Variants in KCTD1 observed in about 807,000 individuals in gnomAD.
KCTD1 encodes potassium channel tetramerization domain containing 1.
Under a neutral mutation model 66.0 loss-of-function variants are expected in KCTD1, and 24 were observed. The observed-to-expected ratio is 0.36, with a 90% CI of 0.26 to 0.51. The LOEUF (loss-of-function observed/expected upper bound fraction) is 0.51. Among genes scored for constraint, KCTD1 ranks in the 20% least tolerant of loss-of-function variants. KCTD1 has a pLI of 0.95. For synonymous variants in KCTD1, 511 were observed against 517.2 expected, an observed-to-expected ratio of 0.99 and a Z score of 0.16; for missense variants, 943 against 1,205.2, an observed-to-expected ratio of 0.78 and a Z score of 3.22.
At chr18:26,640,739 T>A (rs1327579868), upstream of KCTD1, among the ~76,000 whole-genome samples, 1 of 152,028 alleles carries the variant, frequency 6.6e-6, no homozygotes, top group Non-Finnish European at 1.5e-5. Context: ...GTGCTGTCTG[T>A]CAAGTGGGGG....
chr18:26,646,529 C>T (rs144128717), intron 1 of KCTD1, among the ~76,000 whole-genome samples: 2 of 152,224 alleles, frequency 1.3e-5, no homozygotes, highest in Non-Finnish European at 2.9e-5. Context: ...AATTTGGAGA[C>T]GTTCTTACCA....
In KCTD1 at chr18:26,616,240, G is replaced by A. The variant is rs1403358118; in HGVS notation, c.-16+12907C>T. 7.3e-5 allele frequency among the ~76,000 whole-genome samples: 11 copies of A among 150,258 alleles called. No homozygotes were observed. The East Asian group carries it at 2.1e-3, about 29-fold the overall frequency. ...ACATGGCTCATCATCATGGGTCTGT[G>A]ATTGATTGATTGATAGATTGATCAA... On this transcript the variant is annotated intron_variant, in intron 1 of 4. Coordinates refer to the KCTD1 transcript ENST00000317932.
chr18:26,605,730 ATC>A (rs1986998576), intron 1 of KCTD1, among the ~76,000 whole-genome samples: 25 of 110,022 alleles, frequency 2.3e-4, no homozygotes, highest in African/African-American at 8.4e-4. Flanking sequence ...CTCTATATCT[ATC>A]TATCTATCTA....
At chr18:26,510,495 G>A (rs1482057882) in intron 1 of KCTD1, among the ~76,000 whole-genome samples, 1 of 152,192 alleles carries the variant, frequency 6.6e-6, no homozygotes, top group Non-Finnish European at 1.5e-5. Context: ...AGGCGTTACT[G>A]CTGTTTATCT....
intron 1 of KCTD1, among the ~76,000 whole-genome samples, chr18:26,542,736 C>A (rs9952200): frequency 0.32 from 47,938 of 151,958 alleles, 7,693 homozygotes; most frequent in South Asian, 0.37. Flanking sequence ...CAGGGTGATA[C>A]AAAGATTTAA....
At chr18:26,639,390 C>G (rs1987789155) in intron 1 of KCTD1, among the ~76,000 whole-genome samples, 1 of 152,016 alleles carries the variant, frequency 6.6e-6, no homozygotes, top group Non-Finnish European at 1.5e-5. Context: ...GCTTTGGTTC[C>G]TATCTTGTAG....
At chr18:26,626,166 C>CAA (rs11426681) in intron 1 of KCTD1, among the ~76,000 whole-genome samples, 2 of 138,660 alleles carry the variant, frequency 1.4e-5, no homozygotes, top group Non-Finnish European at 1.6e-5. Context: ...AAAAAAAAAA[C>CAA]AAAAAAAAAA....
At chr18:26,481,773 G>T (rs1981660086) in intron 2 of KCTD1, among the ~76,000 whole-genome samples, 1 of 152,138 alleles carries the variant, frequency 6.6e-6, no homozygotes, top group East Asian at 1.9e-4. Flanking sequence ...CATCACCTGG[G>T]CAACTCTGAA....
At chr18:26,635,994 T>C (rs1018883835) in intron 1 of KCTD1, among the ~76,000 whole-genome samples, 2 of 151,206 alleles carry the variant, frequency 1.3e-5, no homozygotes, top group African/African-American at 4.9e-5. Flanking sequence ...TGCAGGAGGG[T>C]GTGGGAGGGG....
Position 26,547,749 on chromosome 18 carries a change from A to G in KCTD1, c.788T>C (p.Leu263Pro). ...DPELRSANLT[L>P]AAVIRKLEEQ... ...CTCGAGCTTGCGGATGACCGCGGCC[A>G]GCGTCAGGTTGGCGCTGCGCAGCTC... is the stretch of plus-strand genomic sequence containing the variant. Residue 263 changes from leucine (L) to proline (P), a missense_variant, in exon 1 of 5, where the codon CTG (leucine) becomes CCG (proline). Coordinates refer to ENST00000580059, the MANE Select transcript of KCTD1 (RefSeq NM_001142730.3). The G allele has an allele frequency of 6.5e-7, 1 of 1,544,792 alleles. No individual in the cohort carries two copies. The highest frequency in any genetic ancestry group is 8.7e-7 in the Non-Finnish European group (1 of 1,146,660).
In KCTD1 at chr18:26,617,353, C is replaced by T. The variant is rs949044172; in HGVS notation, c.-16+11794G>A. On this transcript the variant is annotated intron_variant, in intron 1 of 4. Coordinates refer to the KCTD1 transcript ENST00000317932. ...AGCCAAGAGGAATGTATGCTGTCAACTGCCGTACAAAGATGTGTATCATAG... is the reference window on the plus strand; with the variant it reads ...AGCCAAGAGGAATGTATGCTGTCAATTGCCGTACAAAGATGTGTATCATAG... Among the ~76,000 whole-genome samples, 48 of 152,248 alleles carry T rather than the reference C, an allele frequency of 3.2e-4. 1 individual carries two copies. Among genetic ancestry groups the T allele is most frequent in the Non-Finnish European group, 8.8e-5 (6 of 68,044 alleles).
intron 1 of KCTD1, among the ~76,000 whole-genome samples, chr18:26,621,665 T>A (rs1260030375): frequency 6.6e-6 from 1 of 152,226 alleles, no homozygotes; most frequent in East Asian, 1.9e-4. Flanking sequence ...ACCTGTTGGC[T>A]CTTGGTCTTT....
chr18:26,597,886 T>C (rs1986804637), intron 1 of KCTD1, among the ~76,000 whole-genome samples: 1 of 152,166 alleles, frequency 6.6e-6, no homozygotes, highest in Admixed American at 6.6e-5. Flanking sequence ...ACTCCTGACC[T>C]CAAGAGATCT....
intron 1 of KCTD1, among the ~76,000 whole-genome samples, chr18:26,587,484 GT>G (rs536596857): frequency 8.7e-4 from 132 of 152,278 alleles, no homozygotes; most frequent in African/African-American, 3.0e-3. Context: ...TAAATCAGTA[GT>G]AATTTTGACT....
intron 1 of KCTD1, among the ~76,000 whole-genome samples, chr18:26,518,546 G>A (rs955178351): frequency 3.9e-5 from 6 of 152,320 alleles, no homozygotes; most frequent in Admixed American, 2.6e-4. Context: ...TTACAGGCGT[G>A]AGCCATGGCG....
At chr18:26,481,865 T>A (rs552490021) in intron 2 of KCTD1, among the ~76,000 whole-genome samples, 84 of 152,114 alleles carry the variant, frequency 5.5e-4, no homozygotes, top group South Asian at 1.9e-3. Flanking sequence ...GTATTTTTTT[T>A]AAAAAAAACT....
chr18:26,616,257 A>T (rs1987251019), intron 1 of KCTD1, among the ~76,000 whole-genome samples: 2 of 150,444 alleles, frequency 1.3e-5, no homozygotes, highest in South Asian at 4.2e-4. Context: ...TGATTGATAG[A>T]TTGATCAAAT....
upstream of KCTD1, among the ~76,000 whole-genome samples, chr18:26,643,336 C>T (rs1187552895): frequency 2.6e-5 from 4 of 152,160 alleles, no homozygotes; most frequent in South Asian, 8.3e-4. Context: ...TCTCTAAATA[C>T]AGCCACCATG....
At chr18:26,586,027 G>T (rs1986463808) in intron 1 of KCTD1, among the ~76,000 whole-genome samples, 1 of 152,134 alleles carries the variant, frequency 6.6e-6, no homozygotes, top group Non-Finnish European at 1.5e-5. Context: ...AGAGGAAGAT[G>T]CTGTCTCTTA....
Sources: gnomAD v4.1 joint callset for allele counts (sites outside exome capture counted in the v4.1 genomes callset) on GRCh38, gnomAD v4.1.1 for gene constraint, MANE v1.5 for transcripts, NCBI Gene and HGNC (gene_info 2026-07-23, HGNC 2026-07-21) for gene names.